Variants in IRAK2 observed in about 807,000 individuals in gnomAD.
IRAK2 encodes interleukin 1 receptor associated kinase 2.
In IRAK2, 57 loss-of-function variants were observed where a neutral mutation model predicts 72.0. The ratio of observed to expected loss-of-function variants is 0.79; its 90% CI spans 0.64 to 0.99. The LOEUF (loss-of-function observed/expected upper bound fraction) is 0.99, where lower values mean the gene tolerates loss of function less well. IRAK2 is among the 50% of genes least tolerant of loss of function. The pLI is 0.00. For synonymous variants in IRAK2, 293 were observed against 312.7 expected (o/e 0.94, Z 0.67); for missense variants, 790 against 794.4 (o/e 0.99, Z 0.07).
chr3:10,178,655 T>C (rs937880600), intron 2 of IRAK2, among the ~76,000 whole-genome samples: 1 of 152,086 alleles, frequency 6.6e-6, no homozygotes, highest in African/African-American at 2.4e-5. Context: ...ATAACAAAAA[T>C]TCAAAAAAGC....
chr3:10,186,937 C>G (rs967495139), intron 2 of IRAK2, among the ~76,000 whole-genome samples: 2 of 149,958 alleles, frequency 1.3e-5, no homozygotes, highest in Non-Finnish European at 3.0e-5. Flanking sequence ...GTAGCTAGGA[C>G]TATAAGTGCA....
At chr3:10,195,039 C>T (rs1384996850) in intron 2 of IRAK2, among the ~76,000 whole-genome samples, 1 of 152,128 alleles carries the variant, frequency 6.6e-6, no homozygotes, top group Non-Finnish European at 1.5e-5. Context: ...TTCCAAATGC[C>T]CTGTGGTGCC....
Position 10,208,636 on chromosome 3 carries a change from G to A in IRAK2, c.425-953G>A, listed in dbSNP as rs372049530. On this transcript the variant is annotated intron_variant, in intron 3 of 12. Coordinates refer to ENST00000256458, the MANE Select transcript of IRAK2 (RefSeq NM_001570.4). Reference sequence around the variant, plus strand: ...AAATTAGCTGGGTGTGGTGGCGGGCGCCTGTAGTCCCAGCTACTCGGGAGG... The same window carrying A: ...AAATTAGCTGGGTGTGGTGGCGGGCACCTGTAGTCCCAGCTACTCGGGAGG... Among the ~76,000 whole-genome samples the A allele has an allele frequency of 5.1e-4, 77 of 151,768 alleles. 2 individuals are homozygous for A. The East Asian group carries it at 0.011, about 22-fold the overall frequency.
intron 2 of IRAK2, among the ~76,000 whole-genome samples, chr3:10,181,661 A>G (rs1200173313): frequency 3.3e-5 from 5 of 152,158 alleles, no homozygotes; most frequent in Non-Finnish European, 7.4e-5. Context: ...TGTCATGCAT[A>G]AATGCCCAAC....
chr3:10,175,020 G>A (rs974242798), intron 1 of IRAK2, among the ~76,000 whole-genome samples: 1 of 151,728 alleles, frequency 6.6e-6, no homozygotes, highest in African/African-American at 2.4e-5. Context: ...GAGCCTGGGA[G>A]GCCAAGGCTG....
At chr3:10,166,181 G>A (rs1346487301) in intron 1 of IRAK2, among the ~76,000 whole-genome samples, 1 of 152,222 alleles carries the variant, frequency 6.6e-6, no homozygotes. Flanking sequence ...TACTTTTAGT[G>A]TACATTGTTT....
chr3:10,218,423 CAA>C (rs56893916), intron 7 of IRAK2, among the ~76,000 whole-genome samples: 1 of 49,306 alleles, frequency 2.0e-5, no homozygotes, highest in East Asian at 5.5e-4. Context: ...GACTCCGTCT[CAA>C]AAAAAAAAAA....
chr3:10,234,263 C>G (rs1225379982), intron 10 of IRAK2, among the ~76,000 whole-genome samples, 196 bp from the exon 11 acceptor site: 1 of 152,058 alleles, frequency 6.6e-6, no homozygotes, highest in East Asian at 1.9e-4. Flanking sequence ...TATGGAGTGC[C>G]CTGTGCATGT....
At chr3:10,201,352 C>T (rs959428061) in intron 3 of IRAK2, among the ~76,000 whole-genome samples, 1 of 152,222 alleles carries the variant, frequency 6.6e-6, no homozygotes, top group Non-Finnish European at 1.5e-5. Flanking sequence ...GGCTCTGGAC[C>T]GGATGTCTGA....
In IRAK2 at chr3:10,242,163, C is replaced by G. The variant is rs751894567; in HGVS notation, c.1813C>G (p.Leu605Val). 9 of 1,613,636 alleles carry G rather than the reference C, an allele frequency of 5.6e-6. No individual in the cohort carries two copies. The highest frequency in any genetic ancestry group is 7.6e-6 in the Non-Finnish European group (9 of 1,179,750). Reference sequence around the variant, plus strand: ...TGAGATCAATGAGGCCAAAAGGAAACTGATGGAGAATATTCTGCTCTACAA... The same window carrying G: ...TGAGATCAATGAGGCCAAAAGGAAAGTGATGGAGAATATTCTGCTCTACAA... ...QIEINEAKRK[L>V]MENILLYKEE... The change falls in exon 13 of 13, where the codon CTG (leucine) becomes GTG (valine). Residue 605 changes from leucine (L) to valine (V), a missense_variant. Leu to Val is a conservative substitution (Grantham distance 32). Transcript: ENST00000256458.
chr3:10,239,523 G>A (rs1351762724), intron 12 of IRAK2, among the ~76,000 whole-genome samples: 1 of 150,834 alleles, frequency 6.6e-6, no homozygotes, highest in Non-Finnish European at 1.5e-5. Flanking sequence ...ACCTGAGATC[G>A]AGACCAGCCT....
In IRAK2 at chr3:10,177,929, G is replaced by C; in HGVS notation, c.186G>C (p.Trp62Cys). 1.2e-6 allele frequency: 2 copies of C among 1,613,942 alleles called. No individual in the cohort carries two copies. The highest frequency in any genetic ancestry group is 1.7e-6 in the Non-Finnish European group (2 of 1,180,046). The change falls in exon 2 of 13, where the codon TGG (tryptophan) becomes TGC (cysteine). Residue 62 changes from tryptophan (W) to cysteine (C), a missense_variant. Coordinates refer to ENST00000256458, the MANE Select transcript of IRAK2 (RefSeq NM_001570.4). ...QGVSITRELL[W>C]WWGMRQATVQ... ...TGAGCATCACGCGGGAGCTGCTGTG[G>C]TGGTGGGGCATGCGGCAGGCCACCG...
At chr3:10,189,066 G>T (rs1415740612) in intron 2 of IRAK2, among the ~76,000 whole-genome samples, 2 of 152,244 alleles carry the variant, frequency 1.3e-5, no homozygotes, top group African/African-American at 4.8e-5. Flanking sequence ...TCCAGTGGGA[G>T]ATGAATTATA....
In IRAK2 at chr3:10,222,733, A is replaced by G; in HGVS notation, c.1111A>G (p.Lys371Glu). Residue 371 changes from lysine to glutamate, a missense_variant, in exon 9 of 13, where the codon AAG becomes GAG. Lys to Glu is a moderately conservative substitution (Grantham distance 56). Coordinates refer to ENST00000256458, the MANE Select transcript of IRAK2 (RefSeq NM_001570.4). ...CAAAAGGTCAAAATACACCATGATG[A>G]AGACTCACCTGCTCCGGACGTCAGC... ...VNKRSKYTMM[K>E]THLLRTSAAY... 5 of 1,614,204 alleles carry G rather than the reference A, an allele frequency of 3.1e-6. No individual in the cohort carries two copies. Among genetic ancestry groups the G allele is most frequent in the Non-Finnish European group, 4.2e-6 (5 of 1,180,026 alleles).
intron 4 of IRAK2, among the ~76,000 whole-genome samples, chr3:10,212,531 C>T (rs1353059249): frequency 6.6e-6 from 1 of 152,138 alleles, no homozygotes; most frequent in Admixed American, 6.5e-5. Context: ...GACCTCACTT[C>T]AGCTGTTTTA....
chr3:10,234,476 T>C lies in IRAK2; in HGVS notation c.1290T>C (p.Ser430=). 1 of 1,614,054 alleles carries C rather than the reference T, an allele frequency of 6.2e-7. No individual in the cohort carries two copies. The highest frequency in any genetic ancestry group is 8.5e-7 in the Non-Finnish European group (1 of 1,179,988). ...TCCCACAGAAGGACTTACTCCTCAG[T>C]GATATTCCAAGCAGCACCGCCTCGC... is the stretch of plus-strand genomic sequence containing the variant. The part of the protein sequence containing the change: ...SPVYLKDLLL[S]DIPSSTASLC... The change falls in exon 11 of 13, where the codon AGT becomes AGC. Residue 430 remains serine (S), a synonymous_variant. Coordinates refer to ENST00000256458, the MANE Select transcript of IRAK2 (RefSeq NM_001570.4).
intron 2 of IRAK2, among the ~76,000 whole-genome samples, chr3:10,186,760 T>C (rs113945563): frequency 0.019 from 2,930 of 150,498 alleles, 55 homozygotes; most frequent in Non-Finnish European, 0.027. Flanking sequence ...AGCTACAGGC[T>C]GGGTCTTTGT....
In IRAK2 at chr3:10,238,864, C is replaced by T. The variant is rs148290689; in HGVS notation, c.1590C>T (p.Asp530=). The change falls in exon 12 of 13, where the codon GAC becomes GAT. Residue 530 remains aspartate (D), a synonymous_variant. Coordinates refer to ENST00000256458, the MANE Select transcript of IRAK2 (RefSeq NM_001570.4). ...GSSSNTPEET[D]DVDNSSLDAS... is the part of the protein sequence containing the mutation. ...CTTCCAACACCCCAGAGGAAACAGA[C>T]GACGTTGACAATTCCAGCCTTGATG... is the stretch of plus-strand genomic sequence containing the variant. The T allele has an allele frequency of 1.5e-5, 24 of 1,614,098 alleles. No homozygotes were observed. Among genetic ancestry groups the T allele is most frequent in the East Asian group, 4.5e-5 (2 of 44,866 alleles).
intron 3 of IRAK2, among the ~76,000 whole-genome samples, chr3:10,201,108 C>T (rs549303318): frequency 1.3e-5 from 2 of 152,264 alleles, no homozygotes; most frequent in South Asian, 2.1e-4. Flanking sequence ...AGAAATAGCT[C>T]GGTAATTGGA....
Sources: allele counts gnomAD v4.1 joint callset (sites outside exome capture counted in the v4.1 genomes callset), GRCh38; gene constraint gnomAD v4.1.1; transcripts MANE v1.5; gene names NCBI Gene and HGNC (gene_info 2026-07-23, HGNC 2026-07-21).